Variants in SLC24A2 observed in about 807,000 individuals in gnomAD.
The protein encoded by SLC24A2 is solute carrier family 24 member 2.
In SLC24A2, 36 loss-of-function variants were observed where a neutral mutation model predicts 62.0. That is an observed-to-expected ratio of 0.58 (90% CI 0.44 to 0.77). The LOEUF (loss-of-function observed/expected upper bound fraction) is 0.77. SLC24A2 is among the 30% of genes least tolerant of loss of function. SLC24A2 has a pLI of 0.00. For missense variants in SLC24A2, 846 were observed against 817.9 expected (o/e 1.03, Z -0.42); for synonymous variants, 358 against 294.0 (o/e 1.22, Z -2.23).
At chr9:19,684,083 G>C (rs1447176782) in intron 2 of SLC24A2, among the ~76,000 whole-genome samples, 6 of 152,138 alleles carry the variant, frequency 3.9e-5, no homozygotes, top group African/African-American at 1.4e-4. Flanking sequence ...GTAGACACAG[G>C]GTGCTCTAGG....
At chr9:20,169,486 C>G in the SLC24A2 span, among the ~76,000 whole-genome samples, 1 of 152,002 alleles carries the variant, frequency 6.6e-6, no homozygotes, top group Non-Finnish European at 1.5e-5. Context: ...CAGGGATCTG[C>G]AGACAGTTCA....
chr9:19,917,409 G>T, the SLC24A2 span, among the ~76,000 whole-genome samples: 31 of 146,158 alleles, frequency 2.1e-4, no homozygotes, highest in Admixed American at 4.8e-4. Flanking sequence ...AATTTTATTA[G>T]CACATTGTCA....
intron 8 of SLC24A2, among the ~76,000 whole-genome samples, chr9:19,532,322 C>A (rs554518379): frequency 6.6e-6 from 1 of 152,194 alleles, no homozygotes; most frequent in South Asian, 2.1e-4. Context: ...TCTCGAACTC[C>A]CAACCTCAGA....
At chr9:20,234,846 T>A in the SLC24A2 span, among the ~76,000 whole-genome samples, 1 of 152,146 alleles carries the variant, frequency 6.6e-6, no homozygotes, top group Non-Finnish European at 1.5e-5. Flanking sequence ...TTTTTTCCCA[T>A]CTTTGTGGTT....
chr9:20,303,262 C>G, the SLC24A2 span, among the ~76,000 whole-genome samples: 39 of 152,236 alleles, frequency 2.6e-4, no homozygotes, highest in Admixed American at 2.4e-3. Context: ...CAGGGGCCTC[C>G]AAAGGGTACA....
chr9:19,563,074 C>CT (rs546901288), intron 7 of SLC24A2, among the ~76,000 whole-genome samples: 14 of 152,246 alleles, frequency 9.2e-5, no homozygotes, highest in African/African-American at 3.1e-4. Flanking sequence ...CCACTGTACT[C>CT]CAGCCTGGGT....
chr9:19,716,658 G>C (rs984208097), intron 2 of SLC24A2, among the ~76,000 whole-genome samples: 3 of 152,072 alleles, frequency 2.0e-5, no homozygotes, highest in Admixed American at 1.3e-4. Context: ...ATAGCTTTTT[G>C]ATAAGCCCCT....
the SLC24A2 span, among the ~76,000 whole-genome samples, chr9:20,114,396 T>C: frequency 6.6e-6 from 1 of 152,190 alleles, no homozygotes; most frequent in Non-Finnish European, 1.5e-5. Context: ...ACTAGTCCTA[T>C]GCTAAAGGCT....
the SLC24A2 span, among the ~76,000 whole-genome samples, chr9:20,072,630 A>G: frequency 6.6e-6 from 1 of 152,094 alleles, no homozygotes; most frequent in Non-Finnish European, 1.5e-5. Flanking sequence ...AGATTATCCT[A>G]GATTATCTAG....
chr9:19,884,885 T>C, the SLC24A2 span, among the ~76,000 whole-genome samples: 5 of 152,238 alleles, frequency 3.3e-5, no homozygotes, highest in Admixed American at 3.3e-4. Context: ...AGGTTAGGGG[T>C]ATTAAATACA....
At position 19,513,120 on chromosome 9, in the gene SLC24A2, A is replaced by G. The variant is rs1370033544; in HGVS notation, c.*3033T>C. 7.0e-6 allele frequency: 1 copy of G among 142,776 alleles called. No homozygotes were observed. The highest frequency in any genetic ancestry group is 1.5e-5 in the Non-Finnish European group (1 of 66,852). The allele number at this position is 142,776 out of a possible 1,614,324, so 8.8% of individuals were successfully genotyped here. ...GGGTCAGAGGGTGATGATGTAAGTC[A>G]TATTATATGTGTACATATAGATCTG... On this transcript the variant is annotated 3_prime_UTR_variant, in exon 11 of 11. Transcript: ENST00000341998.
the SLC24A2 span, among the ~76,000 whole-genome samples, chr9:20,292,734 C>T: frequency 2.6e-5 from 4 of 152,224 alleles, no homozygotes; most frequent in Admixed American, 2.6e-4. Context: ...GGGCCACAGG[C>T]ATGCACCACC....
the SLC24A2 span, among the ~76,000 whole-genome samples, chr9:20,169,138 G>C: frequency 0.03 from 4,566 of 152,106 alleles, 224 homozygotes; most frequent in African/African-American, 0.1. Context: ...CATGAAGTAT[G>C]TAGAATAGGC....
chr9:20,164,025 A>T, the SLC24A2 span, among the ~76,000 whole-genome samples: 1 of 152,158 alleles, frequency 6.6e-6, no homozygotes, highest in African/African-American at 2.4e-5. Flanking sequence ...AAACCATAAA[A>T]ACCCTAGAAG....
At chr9:19,559,755 C>A (rs191310007) in intron 7 of SLC24A2, among the ~76,000 whole-genome samples, 1 of 152,174 alleles carries the variant, frequency 6.6e-6, no homozygotes, top group Admixed American at 6.5e-5. Context: ...AAACTCCCAC[C>A]CAAAACAGTG....
At chr9:20,228,783 G>C in the SLC24A2 span, among the ~76,000 whole-genome samples, 1 of 152,136 alleles carries the variant, frequency 6.6e-6, no homozygotes, top group African/African-American at 2.4e-5. Context: ...ATGTGGAAAA[G>C]GAAGGAGAGA....
At chr9:20,260,482 G>A in the SLC24A2 span, among the ~76,000 whole-genome samples, 1 of 152,138 alleles carries the variant, frequency 6.6e-6, no homozygotes. Context: ...AGGGATCTTG[G>A]TTTCTGGGTA....
chr9:19,628,921 C>T (rs35276248), intron 2 of SLC24A2, among the ~76,000 whole-genome samples: 8 of 152,198 alleles, frequency 5.3e-5, no homozygotes, highest in Admixed American at 1.3e-4. Context: ...CTGCGAGGTG[C>T]GGGTTGGGCA....
chr9:20,063,193 G>C, the SLC24A2 span, among the ~76,000 whole-genome samples: 16 of 150,304 alleles, frequency 1.1e-4, no homozygotes, highest in East Asian at 5.9e-4. Flanking sequence ...ACATGCACAC[G>C]TATGTTTATT....
Sources: allele counts gnomAD v4.1 joint callset (sites outside exome capture counted in the v4.1 genomes callset), GRCh38; gene constraint gnomAD v4.1.1; transcripts MANE v1.5; gene names NCBI Gene and HGNC (gene_info 2026-07-23, HGNC 2026-07-21).